The following KCNU1 variants were observed in gnomAD, a reference collection of about 807,000 sequenced individuals.
The protein encoded by KCNU1 is potassium channel subfamily U member 1.
KCNU1 carries 93 observed loss-of-function variants against 126.8 expected under a neutral mutation model. That is an observed-to-expected ratio of 0.73 (90% CI 0.62 to 0.87). The LOEUF is 0.87. KCNU1 is among the 40% of genes least tolerant of loss of function. KCNU1 has a pLI of 0.00. For synonymous variants in KCNU1, 523 were observed against 494.2 expected, an observed-to-expected ratio of 1.06 and a Z score of -0.77; for missense variants, 1,330 against 1,367.1, an observed-to-expected ratio of 0.97 and a Z score of 0.43.
chr8:36,787,675 T>G (rs1802758064), intron 2 of KCNU1, among the ~76,000 whole-genome samples: 2 of 145,016 alleles, frequency 1.4e-5, no homozygotes, highest in South Asian at 4.2e-4. Flanking sequence ...TTTTATAATA[T>G]TAATATAAAT....
intron 19 of KCNU1, among the ~76,000 whole-genome samples, chr8:36,899,863 G>T (rs1807346892): frequency 6.6e-6 from 1 of 152,056 alleles, no homozygotes; most frequent in Admixed American, 6.6e-5. Flanking sequence ...TTTCAAATTA[G>T]CACAAACAAG....
chr8:36,881,430 C>T (rs1806474591), intron 19 of KCNU1, among the ~76,000 whole-genome samples: 1 of 152,002 alleles, frequency 6.6e-6, no homozygotes. Context: ...CACTCTGTTG[C>T]CCACTCTGAT....
intron 8 of KCNU1, 91 bp from the exon 9 acceptor site, chr8:36,815,505 T>C: frequency 1.6e-6 from 1 of 606,094 alleles, no homozygotes; most frequent in East Asian, 3.0e-5. Context: ...GAAAGTTTTA[T>C]GTACCCTCCT....
rs1013884900 is a variant in KCNU1 at position 36,936,008 on chromosome 8, G to A, written c.*88G>A. The A allele has an allele frequency of 1.0e-4, 128 of 1,271,588 alleles. No homozygotes were observed. The highest frequency in any genetic ancestry group is 9.6e-4 in the Middle Eastern group (5 of 5,204). The allele number at this position is 1,271,588 out of a possible 1,614,324, so 78.8% of individuals were successfully genotyped here. A position where few individuals can be genotyped will look rare whatever the true frequency, so the allele number is the denominator to read the frequency against. On this transcript the variant is annotated 3_prime_UTR_variant, in exon 27 of 27. Transcript: ENST00000399881. ...ACTTTGAACAAAGAAAATAAGAATG[G>A]AAGCATGCCATTTTTCTGCCCATTG... is the stretch of plus-strand genomic sequence containing the variant.
chr8:36,898,287 C>T (rs1373060028), intron 19 of KCNU1, among the ~76,000 whole-genome samples: 1 of 151,556 alleles, frequency 6.6e-6, no homozygotes, highest in African/African-American at 2.4e-5. Flanking sequence ...TACCTGCCCC[C>T]TGTATCCCTC....
At chr8:36,869,776 G>T (rs1806035743) in intron 19 of KCNU1, among the ~76,000 whole-genome samples, 1 of 152,166 alleles carries the variant, frequency 6.6e-6, no homozygotes. Flanking sequence ...TACAGCAAGT[G>T]AAAAATGTTT....
At chr8:36,891,563 T>C (rs1806964156) in intron 19 of KCNU1, among the ~76,000 whole-genome samples, 1 of 152,096 alleles carries the variant, frequency 6.6e-6, no homozygotes, top group Non-Finnish European at 1.5e-5. Flanking sequence ...TGTTTCTTAA[T>C]GTGGATGCAA....
intron 2 of KCNU1, among the ~76,000 whole-genome samples, chr8:36,789,196 T>TA: frequency 6.6e-6 from 1 of 152,108 alleles, no homozygotes; most frequent in African/African-American, 2.4e-5. Flanking sequence ...CCTCTACAAA[T>TA]AATTTAAAAG....
intron 18 of KCNU1, among the ~76,000 whole-genome samples, chr8:36,852,531 T>C (rs1805387347): frequency 6.6e-6 from 1 of 152,136 alleles, no homozygotes. Flanking sequence ...TCAACCTCTT[T>C]ACAAGTTATA....
In KCNU1 at chr8:36,861,169, G is replaced by A. The variant is rs373478797; in HGVS notation, c.1892-3235G>A. ...GCATACTTTCTTCTCTAAGAGTTCA[G>A]GACCACATGTCCACCAAATTTCAAT... On this transcript the variant is annotated intron_variant, in intron 18 of 26. Coordinates refer to ENST00000399881, the MANE Select transcript of KCNU1 (RefSeq NM_001031836.3). Among the ~76,000 whole-genome samples the A allele has an allele frequency of 1.1e-4, 16 of 152,228 alleles. No homozygotes were observed. The South Asian group carries it at 2.9e-3, about 28-fold the overall frequency.
chr8:36,852,964 G>T (rs1000698418), intron 18 of KCNU1, among the ~76,000 whole-genome samples: 1 of 151,408 alleles, frequency 6.6e-6, no homozygotes. Flanking sequence ...TTTAGATTTG[G>T]GTTAACTTGC....
intron 2 of KCNU1, among the ~76,000 whole-genome samples, chr8:36,789,678 G>A (rs892624106): frequency 6.6e-5 from 10 of 152,182 alleles, no homozygotes; most frequent in African/African-American, 2.4e-4. Flanking sequence ...AGGGAAATAT[G>A]AGTGAAGTGT....
intron 2 of KCNU1, among the ~76,000 whole-genome samples, chr8:36,801,243 C>T (rs1353679789): frequency 6.6e-6 from 1 of 152,170 alleles, no homozygotes; most frequent in African/African-American, 2.4e-5. Context: ...GTAAATTCCT[C>T]AGTTAAGGAG....
intron 19 of KCNU1, among the ~76,000 whole-genome samples, chr8:36,895,067 A>T (rs560704134): frequency 6.6e-6 from 1 of 152,148 alleles, no homozygotes; most frequent in South Asian, 2.1e-4. Context: ...TTAAGAACTT[A>T]ACAATAGTAA....
chr8:36,805,319 A>G (rs774889133), intron 4 of KCNU1, 34 bp downstream of exon 4: 1 of 1,266,048 alleles, frequency 7.9e-7, no homozygotes, highest in Admixed American at 1.9e-5. Flanking sequence ...GTGAATATCC[A>G]AACACCACAG....
chr8:36,922,651 A>C, intron 24 of KCNU1, 22 bp downstream of exon 24: 2 of 1,608,568 alleles, frequency 1.2e-6, no homozygotes, highest in Non-Finnish European at 1.7e-6. Context: ...TAAGCCATGG[A>C]GCCCCCAAAA....
At chr8:36,930,693 T>C (rs374318075) in intron 24 of KCNU1, among the ~76,000 whole-genome samples, 7 of 152,258 alleles carry the variant, frequency 4.6e-5, no homozygotes, top group African/African-American at 1.4e-4. Context: ...TCATTATCCA[T>C]TTTCTTCTTC....
intron 19 of KCNU1, 127 bp downstream of exon 19, chr8:36,864,648 C>A: frequency 1.6e-6 from 1 of 634,084 alleles, no homozygotes; most frequent in East Asian, 2.7e-5. Flanking sequence ...TGTTCCTCCC[C>A]AAAATGAGAT....
intron 23 of KCNU1, among the ~76,000 whole-genome samples, chr8:36,920,001 G>T (rs1462534279): frequency 1.3e-5 from 2 of 152,204 alleles, no homozygotes; most frequent in Non-Finnish European, 2.9e-5. Context: ...GGCTGTTGAA[G>T]TTCAGCTCTG....
Sources: gnomAD v4.1 joint callset for allele counts (sites outside exome capture counted in the v4.1 genomes callset) on GRCh38, gnomAD v4.1.1 for gene constraint, MANE v1.5 for transcripts, NCBI Gene and HGNC (gene_info 2026-07-23, HGNC 2026-07-21) for gene names.